The following ZFX variants were observed in gnomAD, a reference collection of about 807,000 sequenced individuals.
ZFX encodes the protein zinc finger protein X-linked.
For missense variants in ZFX, 362 were observed against 628.3 expected (o/e 0.58, Z 4.53); for synonymous variants, 196 against 226.8 (o/e 0.86, Z 1.22).
At position 24,199,524 on chromosome X, in the gene ZFX, G is replaced by A. The variant is rs750997471; in HGVS notation, c.647-7802G>A. Among the ~76,000 whole-genome samples the A allele has an allele frequency of 4.1e-4, 45 of 110,960 alleles. 1 individual carries two copies. Among genetic ancestry groups the A allele is most frequent in the Non-Finnish European group, 7.6e-4 (40 of 52,901 alleles). On this transcript the variant is annotated intron_variant, in intron 5 of 9. Coordinates refer to ENST00000304543, the MANE Select transcript of ZFX (RefSeq NM_003410.4). The stretch of plus-strand genomic sequence containing the variant: ...TCCTGCCTTGGCCTCCCAAAGAGCT[G>A]GGATTATAGGTGTGCACCGCTGCAC...
Position 24,215,211 on chromosome X carries a change from T to C in ZFX, c.*3835T>C, listed in dbSNP as rs1166973403. 2.7e-5 allele frequency: 3 copies of C among 112,141 alleles called. No homozygotes were observed. The highest frequency in any genetic ancestry group is 5.6e-5 in the Non-Finnish European group (3 of 53,247). 9.2% of individuals were successfully genotyped at this position (112,141 alleles called of 1,213,427 possible). ...CCCAACAAATGACACCTAACCTGTC[T>C]GTGATCCAACAAGTCCGATAACATG... On this transcript the variant is annotated 3_prime_UTR_variant, in exon 10 of 10. Transcript: ENST00000304543.
At chrX:24,189,834 G>A (rs1936417092) in intron 5 of ZFX, among the ~76,000 whole-genome samples, 1 of 111,512 alleles carries the variant, frequency 9.0e-6, no homozygotes, top group South Asian at 3.7e-4. Context: ...AGAAGAGATA[G>A]TAAAATATTT....
At chrX:24,209,203 A>AC in intron 9 of ZFX, 163 bp downstream of exon 9, 1 of 800,034 alleles carries the variant, frequency 1.2e-6, no homozygotes, top group Non-Finnish European at 1.7e-6. Flanking sequence ...AGTGATATTC[A>AC]TGAATGATTT....
upstream of ZFX, chrX:24,149,381 G>C (rs1256608583): frequency 1.1e-4 from 12 of 110,326 alleles, no homozygotes; most frequent in Non-Finnish European, 1.9e-4. Context: ...GGCCGAGGCG[G>C]CGGCGGCAGC....
At chrX:24,209,764 C>T (rs1045687036) in intron 9 of ZFX, among the ~76,000 whole-genome samples, 4 of 110,164 alleles carry the variant, frequency 3.6e-5, no homozygotes, top group African/African-American at 9.9e-5. Flanking sequence ...TTAGTAGAGG[C>T]GGGTTTTCAG....
chrX:24,153,634 C>T (rs1215750821), intron 3 of ZFX, among the ~76,000 whole-genome samples: 3 of 111,832 alleles, frequency 2.7e-5, no homozygotes, highest in Non-Finnish European at 5.6e-5. Context: ...TATAAAAGTG[C>T]TCTGTGTTTC....
At chrX:24,160,603 T>C (rs1025060627) in intron 3 of ZFX, among the ~76,000 whole-genome samples, 6 of 111,478 alleles carry the variant, frequency 5.4e-5, no homozygotes, top group Non-Finnish European at 7.5e-5. Flanking sequence ...CCAGCCGAAA[T>C]ACACGTATTT....
In ZFX at chrX:24,151,694, C is replaced by T. The variant is rs1295915216; in HGVS notation, c.-246C>T. The T allele has an allele frequency of 1.8e-5, 2 of 111,378 alleles. No individual in the cohort carries two copies. The highest frequency in any genetic ancestry group is 3.8e-5 in the Non-Finnish European group (2 of 53,086). The allele number at this position is 111,378 out of a possible 1,213,427, so 9.2% of individuals were successfully genotyped here. ...CTTATTTTTTATTTTGAGACAGGTT[C>T]TTGCTATATTGCCCCAGGCTGGTCT... On this transcript the variant is annotated 5_prime_UTR_variant, in exon 2 of 10. Transcript: ENST00000304543.
chrX:24,154,101 T>A (rs1932537294), intron 3 of ZFX, among the ~76,000 whole-genome samples: 1 of 112,096 alleles, frequency 8.9e-6, no homozygotes, highest in Non-Finnish European at 1.9e-5. Flanking sequence ...GGAAGTATAC[T>A]CTAAGGAAAT....
intron 5 of ZFX, among the ~76,000 whole-genome samples, chrX:24,187,308 C>G (rs371885611): frequency 1.1e-4 from 12 of 111,359 alleles, no homozygotes; most frequent in South Asian, 3.8e-4. Context: ...ATTGGCCCCC[C>G]CTTTCTCTCT....
chrX:24,178,539 T>A (rs1935380904), intron 4 of ZFX, among the ~76,000 whole-genome samples: 1 of 110,603 alleles, frequency 9.0e-6, no homozygotes, highest in Non-Finnish European at 1.9e-5. Flanking sequence ...TCCGCCCGTC[T>A]TGGCCTCCCA....
In ZFX at chrX:24,213,732, A is replaced by C. The variant is rs1938275762; in HGVS notation, c.*2356A>C. 1 of 94,852 alleles carries C rather than the reference A, an allele frequency of 1.1e-5. No individual in the cohort carries two copies. Among genetic ancestry groups the C allele is most frequent in the Admixed American group, 1.2e-4 (1 of 8,155 alleles). The allele number at this position is 94,852 out of a possible 1,213,427, so 7.8% of individuals were successfully genotyped here. A position where few individuals can be genotyped will look rare whatever the true frequency, so the allele number is the denominator to read the frequency against. Reference sequence around the variant, plus strand: ...CTTACAATTTTGTGATCCGTGATTCATTGCCCTGCGATTCTTGAAAGCTCT... The same window carrying C: ...CTTACAATTTTGTGATCCGTGATTCCTTGCCCTGCGATTCTTGAAAGCTCT... On this transcript the variant is annotated 3_prime_UTR_variant, in exon 10 of 10. Coordinates refer to ENST00000304543, the MANE Select transcript of ZFX (RefSeq NM_003410.4).
At chrX:24,179,126 G>A (rs1386218093) in intron 4 of ZFX, 57 bp from the exon 5 acceptor site, 3 of 1,007,467 alleles carry the variant, frequency 3.0e-6, no homozygotes, top group African/African-American at 3.8e-5. Context: ...TAACATTTAC[G>A]TTAATTGTAG....
chrX:24,184,617 A>T (rs1378880624), intron 5 of ZFX, among the ~76,000 whole-genome samples: 2 of 110,705 alleles, frequency 1.8e-5, no homozygotes, highest in Non-Finnish European at 3.8e-5. Flanking sequence ...TAAAAATTTT[A>T]TTTATAGTCA....
At chrX:24,206,328 AC>A (rs1262386024) in intron 5 of ZFX, among the ~76,000 whole-genome samples, 5 of 111,611 alleles carry the variant, frequency 4.5e-5, no homozygotes, top group African/African-American at 1.6e-4. Context: ...TTATATGAAG[AC>A]TATTTCTTGA....
intron 5 of ZFX, among the ~76,000 whole-genome samples, chrX:24,205,873 T>C (rs1169606447): frequency 9.0e-6 from 1 of 111,056 alleles, no homozygotes; most frequent in African/African-American, 3.3e-5. Flanking sequence ...AAATAAAATA[T>C]AAAAATAAAT....
chrX:24,149,909 C>T (rs1931770759), intron 1 of ZFX, 115 bp downstream of exon 1: 1 of 108,348 alleles, frequency 9.2e-6, no homozygotes, highest in African/African-American at 3.3e-5. Context: ...CGGCGTGGCG[C>T]GCGGCGCCGA....
Position 24,152,742 on chromosome X carries a change from A to G in ZFX, c.-117A>G, listed in dbSNP as rs1932328734. The G allele has an allele frequency of 8.9e-6, 1 of 112,438 alleles. No homozygotes were observed. Among genetic ancestry groups the G allele is most frequent in the African/African-American group, 3.2e-5 (1 of 30,960 alleles). The allele number at this position is 112,438 out of a possible 1,213,427, so 9.3% of individuals were successfully genotyped here. ...CAGCTGGGAAAGACATAGAAGAACT[A>G]TTAAGAAGATAGAATTGTTTTGCTG... On this transcript the variant is annotated 5_prime_UTR_variant, in exon 3 of 10. Transcript: ENST00000304543.
chrX:24,205,923 T>C (rs1235523982), intron 5 of ZFX, among the ~76,000 whole-genome samples: 1 of 111,917 alleles, frequency 8.9e-6, no homozygotes, highest in South Asian at 3.7e-4. Flanking sequence ...GTCTCTACTA[T>C]TGGAAATCAT....
Sources: allele counts gnomAD v4.1 joint callset (sites outside exome capture counted in the v4.1 genomes callset), GRCh38; gene constraint gnomAD v4.1.1; transcripts MANE v1.5; gene names NCBI Gene and HGNC (gene_info 2026-07-23, HGNC 2026-07-21).